SGMS1: variants seen among roughly 807,000 people sequenced by gnomAD.
SGMS1 encodes the protein phosphatidylcholine:ceramide cholinephosphotransferase 1.
SGMS1 carries 13 observed loss-of-function variants against 46.2 expected under a neutral mutation model. The ratio of observed to expected loss-of-function variants is 0.28; its 90% confidence interval spans 0.18 to 0.45. The LOEUF is 0.45. Ranked by LOEUF, SGMS1 falls within the 20% of genes least tolerant of loss-of-function variation. The pLI is 1.00. For synonymous variants in SGMS1, 203 were observed against 187.8 expected, an observed-to-expected ratio of 1.08 and a Z score of -0.66; for missense variants, 324 against 519.9, an observed-to-expected ratio of 0.62 and a Z score of 3.66.
At chr10:50,326,920 C>A (rs1328704808) in intron 8 of SGMS1, among the ~76,000 whole-genome samples, 1 of 152,064 alleles carries the variant, frequency 6.6e-6, no homozygotes, top group African/African-American at 2.4e-5. Context: ...CTTCTGGATG[C>A]GTGTCAAAGA....
rs934509185 is a variant in SGMS1, at chr10:50,352,648, T to G, written c.-231-8303A>C. Among the ~76,000 whole-genome samples the G allele has an allele frequency of 1.7e-4, 26 of 152,328 alleles. No homozygotes were observed. The East Asian group carries it at 5.0e-3, about 29-fold the overall frequency. On this transcript the variant is annotated intron_variant, in intron 6 of 10. Coordinates refer to ENST00000361781, the MANE Select transcript of SGMS1 (RefSeq NM_147156.4). ...ATCTCATACATAGCAAAGAGTCACC[T>G]TGGGGCTAGACCAAGACCCAAAATG...
At chr10:50,355,562 C>T (rs988274655) in intron 6 of SGMS1, among the ~76,000 whole-genome samples, 13 of 152,192 alleles carry the variant, frequency 8.5e-5, no homozygotes, top group African/African-American at 2.4e-4. Flanking sequence ...GACGGAGTCT[C>T]GCTCACTCAG....
At chr10:50,557,265 A>G (rs954905341) in intron 2 of SGMS1, among the ~76,000 whole-genome samples, 1 of 152,230 alleles carries the variant, frequency 6.6e-6, no homozygotes, top group African/African-American at 2.4e-5. Context: ...TAATGAATAA[A>G]GAGCAAGAAG....
intron 5 of SGMS1, among the ~76,000 whole-genome samples, chr10:50,436,230 G>C (rs566083573): frequency 1.3e-5 from 2 of 151,948 alleles, no homozygotes; most frequent in Non-Finnish European, 2.9e-5. Context: ...TCAACCTCCC[G>C]AGTAGCTGGG....
intron 2 of SGMS1, among the ~76,000 whole-genome samples, chr10:50,548,773 C>A (rs1222792059): frequency 6.6e-6 from 1 of 152,066 alleles, no homozygotes; most frequent in Non-Finnish European, 1.5e-5. Context: ...GAACAGACAA[C>A]CTACAGAATG....
chr10:50,432,876 AT>A (rs560990679), intron 6 of SGMS1, among the ~76,000 whole-genome samples: 154 of 152,308 alleles, frequency 1.0e-3, no homozygotes, highest in African/African-American at 3.6e-3. Flanking sequence ...AAAATATATG[AT>A]CTTTCCACTA....
intron 6 of SGMS1, among the ~76,000 whole-genome samples, chr10:50,403,682 T>C (rs1373860084): frequency 6.6e-6 from 1 of 151,268 alleles, no homozygotes; most frequent in Non-Finnish European, 1.5e-5. Flanking sequence ...TAAGCTCACC[T>C]GCTCTTAAGA....
intron 4 of SGMS1, among the ~76,000 whole-genome samples, chr10:50,462,098 CA>C (rs922475406): frequency 6.6e-6 from 1 of 151,574 alleles, no homozygotes; most frequent in East Asian, 1.9e-4. Flanking sequence ...CTCATATCTA[CA>C]AAAAGAAAAA....
rs117814758 is a variant in SGMS1 at position 50,392,148 on chromosome 10, T to C, written c.-232+41328A>G. Among the ~76,000 whole-genome samples, 4 of 150,158 alleles carry C rather than the reference T, an allele frequency of 2.7e-5. No individual in the cohort carries two copies. In the East Asian group the frequency reaches 7.8e-4, roughly 29 times the overall value. ...ATCCCCATGACACGCAATTTACCTATATAACAAACCTGCACATGTACTCTG... is the reference window on the plus strand; with the variant it reads ...ATCCCCATGACACGCAATTTACCTACATAACAAACCTGCACATGTACTCTG... On this transcript the variant is annotated intron_variant, in intron 6 of 10. Coordinates refer to ENST00000361781, the MANE Select transcript of SGMS1 (RefSeq NM_147156.4).
intron 6 of SGMS1, among the ~76,000 whole-genome samples, chr10:50,355,315 C>T (rs1306563530): frequency 1.3e-5 from 2 of 152,228 alleles, no homozygotes; most frequent in African/African-American, 4.8e-5. Context: ...CTGTCTCCCT[C>T]TGATGCCAAG....
chr10:50,319,307 C>T (rs1420381733), intron 8 of SGMS1, among the ~76,000 whole-genome samples: 1 of 152,124 alleles, frequency 6.6e-6, no homozygotes, highest in East Asian at 1.9e-4. Flanking sequence ...CTTTCTCTCA[C>T]TTTTTTTCCT....
intron 6 of SGMS1, among the ~76,000 whole-genome samples, chr10:50,344,819 C>T (rs1047515295): frequency 6.6e-6 from 1 of 151,858 alleles, no homozygotes; most frequent in Non-Finnish European, 1.5e-5. Flanking sequence ...TTGCAGTGAG[C>T]CGAGATCAGC....
intron 2 of SGMS1, among the ~76,000 whole-genome samples, chr10:50,587,939 T>C (rs1838502972): frequency 6.6e-6 from 1 of 152,122 alleles, no homozygotes; most frequent in Admixed American, 6.5e-5. Flanking sequence ...CTATTTTCCA[T>C]ATGTATCTTC....
At chr10:50,509,860 T>G (rs1837738891) in intron 3 of SGMS1, among the ~76,000 whole-genome samples, 1 of 152,200 alleles carries the variant, frequency 6.6e-6, no homozygotes. Flanking sequence ...GCATCATCAA[T>G]TATTTATTTT....
At chr10:50,516,170 A>C (rs987026703) in intron 3 of SGMS1, among the ~76,000 whole-genome samples, 5 of 152,184 alleles carry the variant, frequency 3.3e-5, no homozygotes, top group Admixed American at 6.5e-5. Flanking sequence ...TTAAAAAAAA[A>C]CTGTTAAATC....
At chr10:50,543,845 AT>A (rs1233388278) in intron 2 of SGMS1, among the ~76,000 whole-genome samples, 3 of 152,040 alleles carry the variant, frequency 2.0e-5, no homozygotes, top group Non-Finnish European at 4.4e-5. Flanking sequence ...GTTTAGAAAA[AT>A]TTTTTAAAGA....
chr10:50,339,240 T>C (rs1396573147), intron 7 of SGMS1, among the ~76,000 whole-genome samples: 1 of 152,240 alleles, frequency 6.6e-6, no homozygotes, highest in Non-Finnish European at 1.5e-5. Flanking sequence ...AACACCTCAC[T>C]GACCTCCTGC....
intron 3 of SGMS1, among the ~76,000 whole-genome samples, chr10:50,503,877 C>A (rs899525450): frequency 6.6e-6 from 1 of 152,200 alleles, no homozygotes; most frequent in Non-Finnish European, 1.5e-5. Context: ...CATATGTTGA[C>A]CACGTCACTG....
chr10:50,481,173 G>A (rs1450950993), intron 3 of SGMS1, among the ~76,000 whole-genome samples: 10 of 152,198 alleles, frequency 6.6e-5, no homozygotes, highest in Admixed American at 5.2e-4. Flanking sequence ...CACCCACTTC[G>A]CCAAGAGGCA....
Sources: gnomAD v4.1 joint callset for allele counts (sites outside exome capture counted in the v4.1 genomes callset) on GRCh38, gnomAD v4.1.1 for gene constraint, MANE v1.5 for transcripts, NCBI Gene and HGNC (gene_info 2026-07-23, HGNC 2026-07-21) for gene names.